The following DMRT1 variants were observed in gnomAD, a reference collection of about 807,000 sequenced individuals.
The protein encoded by DMRT1 is doublesex- and mab-3-related transcription factor 1.
DMRT1 carries 7 observed loss-of-function variants against 32.3 expected under a neutral mutation model. The observed-to-expected ratio is 0.22, with a 90% CI of 0.12 to 0.41. The LOEUF (loss-of-function observed/expected upper bound fraction) is 0.41, where lower values mean the gene tolerates loss of function less well. Among genes scored for constraint, DMRT1 ranks in the 10% least tolerant of loss-of-function variants. The pLI, the probability that DMRT1 is intolerant of heterozygous loss-of-function variation, is 1.00. For synonymous variants in DMRT1, 278 were observed against 206.1 expected (o/e 1.35, Z -2.99); for missense variants, 625 against 500.5 (o/e 1.25, Z -2.37).
chr9:842,840 T>C (rs1356452302), intron 1 of DMRT1: 1 of 152,402 alleles, frequency 6.6e-6, no homozygotes, highest in African/African-American at 2.4e-5. Context: ...GGGCAGGGAA[T>C]TCCGGGGTTC....
At chr9:886,737 G>T (rs970493971) in intron 2 of DMRT1, among the ~76,000 whole-genome samples, 1 of 152,076 alleles carries the variant, frequency 6.6e-6, no homozygotes, top group African/African-American at 2.4e-5. Context: ...CGTATCAGTT[G>T]GAAATATTAC....
intron 3 of DMRT1, among the ~76,000 whole-genome samples, chr9:900,900 C>T (rs972853231): frequency 6.6e-6 from 1 of 151,754 alleles, no homozygotes; most frequent in African/African-American, 2.4e-5. Context: ...AGTGTGGTGC[C>T]GAGGCTGGTC....
chr9:887,040 T>C (rs560046721), intron 2 of DMRT1, among the ~76,000 whole-genome samples: 1 of 152,312 alleles, frequency 6.6e-6, no homozygotes, highest in African/African-American at 2.4e-5. Context: ...CAATGTAATT[T>C]ATTAGCTGGG....
intron 4 of DMRT1, among the ~76,000 whole-genome samples, chr9:927,066 C>G (rs923186689): frequency 2.0e-5 from 3 of 152,212 alleles, no homozygotes. Flanking sequence ...TCATTTGAAT[C>G]TGACCTGAAT....
intron 2 of DMRT1, among the ~76,000 whole-genome samples, chr9:862,391 C>T (rs1286480313): frequency 1.3e-5 from 2 of 151,876 alleles, no homozygotes; most frequent in African/African-American, 2.4e-5. Context: ...GTCCCAGGCA[C>T]GCGGCAGGCT....
At chr9:927,018 G>T (rs1818548291) in intron 4 of DMRT1, among the ~76,000 whole-genome samples, 1 of 152,208 alleles carries the variant, frequency 6.6e-6, no homozygotes, top group African/African-American at 2.4e-5. Flanking sequence ...CTAGCCAGTT[G>T]GGTTAGAGCT....
intron 4 of DMRT1, among the ~76,000 whole-genome samples, chr9:921,144 A>G (rs1586620038): frequency 6.6e-6 from 1 of 152,130 alleles, no homozygotes; most frequent in Non-Finnish European, 1.5e-5. Flanking sequence ...CATCACCCCA[A>G]AAGGAAACCC....
At position 864,051 on chromosome 9, in the gene DMRT1, C is replaced by T. The variant is rs111676701; in HGVS notation, c.538+16908C>T. ...GATAAGAGTCCCAGGACTGAGTCCTCGTCACTGCACTCTTTGGAGGACAAG... is the reference window on the plus strand; with the variant it reads ...GATAAGAGTCCCAGGACTGAGTCCTTGTCACTGCACTCTTTGGAGGACAAG... On this transcript the variant is annotated intron_variant, in intron 2 of 4. Transcript: ENST00000382276. Among the ~76,000 whole-genome samples, 1,433 of 152,176 alleles carry T rather than the reference C, an allele frequency of 9.4e-3. 26 individuals are homozygous for T. Among genetic ancestry groups the T allele is most frequent in the African/African-American group, 0.029 (1,221 of 41,496 alleles).
chr9:919,175 A>G (rs557058232), intron 4 of DMRT1, among the ~76,000 whole-genome samples: 1 of 152,314 alleles, frequency 6.6e-6, no homozygotes, highest in African/African-American at 2.4e-5. Context: ...TTAATATGTA[A>G]GTTATTATTT....
intron 2 of DMRT1, among the ~76,000 whole-genome samples, chr9:861,050 C>CT (rs140608243): frequency 0.07 from 8,447 of 120,856 alleles, 269 homozygotes; most frequent in African/African-American, 0.11. Context: ...AATTTACTTT[C>CT]TTTTTTTTTT....
At chr9:894,476 C>A in intron 3 of DMRT1, 1 of 495,654 alleles carries the variant, frequency 2.0e-6, no homozygotes, top group Non-Finnish European at 3.7e-6. Context: ...AACTTGTTTT[C>A]TTTTTCAAAT....
chr9:889,538 A>C (rs1817060139), intron 2 of DMRT1, among the ~76,000 whole-genome samples: 1 of 152,222 alleles, frequency 6.6e-6, no homozygotes. Flanking sequence ...AAAACAAATT[A>C]TTGCTTTGAC....
At chr9:860,560 C>T (rs948243233) in intron 2 of DMRT1, among the ~76,000 whole-genome samples, 1 of 152,120 alleles carries the variant, frequency 6.6e-6, no homozygotes, top group Non-Finnish European at 1.5e-5. Context: ...GGATATATAG[C>T]AGTGCATATA....
At chr9:862,511 T>C (rs1401746085) in intron 2 of DMRT1, among the ~76,000 whole-genome samples, 4 of 12,260 alleles carry the variant, frequency 3.3e-4, no homozygotes, top group Non-Finnish European at 6.3e-4. Context: ...GACCGTGCAA[T>C]GGGGAGGGGG....
intron 4 of DMRT1, among the ~76,000 whole-genome samples, chr9:957,918 G>T (rs1819649912): frequency 1.3e-5 from 2 of 152,196 alleles, no homozygotes; most frequent in Admixed American, 1.3e-4. Context: ...GCTGAGGCAT[G>T]AGAATCACCT....
intron 3 of DMRT1, among the ~76,000 whole-genome samples, chr9:911,470 ATTTTTTTTTTTTTTTTTT>A (rs201141931): frequency 0.037 from 2,493 of 66,842 alleles, 47 homozygotes; most frequent in Non-Finnish European, 0.067. Flanking sequence ...GGTTAATTGC[ATTTTTTTTTTTTTTTTTT>A]TTTTTTTTTT....
chr9:967,004 CAGTT>C lies in DMRT1; in HGVS notation c.968-975_968-972del, dbSNP rs1159729087. 3.9e-5 allele frequency among the ~76,000 whole-genome samples: 6 copies of C among 152,306 alleles called. No individual in the cohort carries two copies. In the South Asian group the frequency reaches 6.2e-4, roughly 16 times the overall value. On this transcript the variant is annotated intron_variant, in intron 4 of 4. Coordinates refer to ENST00000382276, the MANE Select transcript of DMRT1 (RefSeq NM_021951.3). ...TACAAGAAGCCGTGGCAGATGCTGG[CAGTT>C]AGTTACACAAACATTAGTATTAACG...
intron 4 of DMRT1, among the ~76,000 whole-genome samples, chr9:947,897 TGATGAATG>T (rs1819300224): frequency 6.6e-6 from 1 of 152,226 alleles, no homozygotes; most frequent in Non-Finnish European, 1.5e-5. Flanking sequence ...TTAGCTTCTT[TGATGAATG>T]GATTTCTCCC....
intron 4 of DMRT1, among the ~76,000 whole-genome samples, chr9:926,687 TAGAGAGAGAGAGAG>T (rs57146042): frequency 1.1e-4 from 3 of 27,588 alleles, no homozygotes; most frequent in Non-Finnish European, 6.0e-4. Flanking sequence ...AAGACACAGG[TAGAGAGAGAGAGAG>T]AGAGAGAGAG....
Sources: allele counts gnomAD v4.1 joint callset (sites outside exome capture counted in the v4.1 genomes callset), GRCh38; gene constraint gnomAD v4.1.1; transcripts MANE v1.5; gene names NCBI Gene and HGNC (gene_info 2026-07-23, HGNC 2026-07-21).